The following NCALD variants were observed in gnomAD, a reference collection of about 807,000 sequenced individuals.
The protein encoded by NCALD is neurocalcin delta.
A neutral mutation model predicts 18.6 loss-of-function variants in NCALD; 10 were observed. That is an observed-to-expected ratio of 0.54 (90% CI 0.33 to 0.91). The LOEUF is 0.91. NCALD is among the 40% of genes least tolerant of loss of function. The pLI, the probability that NCALD is intolerant of heterozygous loss-of-function variation, is 0.03. For synonymous variants in NCALD, 88 were observed against 87.4 expected (o/e 1.01, Z -0.04); for missense variants, 184 against 247.6 (o/e 0.74, Z 1.72).
chr8:101,793,162 A>G (rs1278284389), upstream of NCALD, among the ~76,000 whole-genome samples: 2 of 152,076 alleles, frequency 1.3e-5, no homozygotes, highest in Non-Finnish European at 2.9e-5. Context: ...CATCCTGGCT[A>G]ACACGGTGAA....
At chr8:101,970,064 G>A (rs939189329) in intron 2 of NCALD, among the ~76,000 whole-genome samples, 2 of 152,096 alleles carry the variant, frequency 1.3e-5, no homozygotes, top group African/African-American at 2.4e-5. Flanking sequence ...AGAAAGATGA[G>A]GAAAAGCCGC....
chr8:101,843,281 T>C (rs947076620), intron 4 of NCALD, among the ~76,000 whole-genome samples: 35 of 152,214 alleles, frequency 2.3e-4, no homozygotes, highest in Non-Finnish European at 4.4e-5. Context: ...CAAAAAGATA[T>C]CATGAGGATT....
intron 1 of NCALD, among the ~76,000 whole-genome samples, chr8:101,745,382 C>A (rs997468413): frequency 6.6e-6 from 1 of 152,118 alleles, no homozygotes; most frequent in Non-Finnish European, 1.5e-5. Flanking sequence ...GGGAGAAAAT[C>A]TGTCCACAGA....
upstream of NCALD, among the ~76,000 whole-genome samples, chr8:101,791,716 T>C (rs1011443113): frequency 1.3e-5 from 2 of 152,140 alleles, no homozygotes; most frequent in Non-Finnish European, 2.9e-5. Flanking sequence ...TACTTTAAAA[T>C]AACCATGTGA....
intron 2 of NCALD, among the ~76,000 whole-genome samples, chr8:101,977,604 C>T (rs1012132941): frequency 6.6e-6 from 1 of 152,190 alleles, no homozygotes; most frequent in Non-Finnish European, 1.5e-5. Context: ...AAGCAGACAT[C>T]CCATTAAAGG....
chr8:102,116,827 C>T (rs1051406850), intron 1 of NCALD, among the ~76,000 whole-genome samples: 6 of 152,056 alleles, frequency 3.9e-5, no homozygotes, highest in African/African-American at 7.2e-5. Flanking sequence ...CTTTAACCCC[C>T]GGAACCAGTG....
At chr8:101,928,819 A>G (rs1273531333) in intron 2 of NCALD, among the ~76,000 whole-genome samples, 1 of 152,176 alleles carries the variant, frequency 6.6e-6, no homozygotes, top group African/African-American at 2.4e-5. Flanking sequence ...TGCATTTATT[A>G]GCATTTGTAG....
Position 101,719,708 on chromosome 8 carries a change from A to G in NCALD, c.-19-60T>C, listed in dbSNP as rs554802918. ...GAGCTGCTCTTTAGGGCTGCATTTTATAATTTGTAATTGTTCCTTTGGGAA... is the reference window on the plus strand; with the variant it reads ...GAGCTGCTCTTTAGGGCTGCATTTTGTAATTTGTAATTGTTCCTTTGGGAA... On this transcript the variant is annotated intron_variant, in intron 1 of 3. Coordinates refer to ENST00000220931, the MANE Select transcript of NCALD (RefSeq NM_032041.3). The G allele has an allele frequency of 1.7e-5, 24 of 1,411,870 alleles. No homozygotes were observed. The Admixed American group carries it at 1.9e-4, about 11-fold the overall frequency. The allele number at this position is 1,411,870 out of a possible 1,614,324, so 87.5% of individuals were successfully genotyped here.
At chr8:101,796,804 T>C (rs1415817996) in intron 4 of NCALD, among the ~76,000 whole-genome samples, 1 of 152,164 alleles carries the variant, frequency 6.6e-6, no homozygotes, top group African/African-American at 2.4e-5. Context: ...AAGGAAAATA[T>C]CTTGGGCCCC....
At chr8:101,892,881 A>T (rs373879709) in intron 3 of NCALD, among the ~76,000 whole-genome samples, 1 of 149,724 alleles carries the variant, frequency 6.7e-6, no homozygotes, top group African/African-American at 2.5e-5. Context: ...CCAAATCTAC[A>T]TCTGATTGGT....
intron 1 of NCALD, among the ~76,000 whole-genome samples, chr8:101,772,347 C>T (rs563105285): frequency 6.4e-4 from 97 of 152,294 alleles, no homozygotes; most frequent in African/African-American, 1.9e-3. Context: ...GTGGGAAATG[C>T]CGACAGGCCC....
intron 2 of NCALD, among the ~76,000 whole-genome samples, chr8:101,707,134 T>A (rs1267592899): frequency 6.6e-6 from 1 of 152,082 alleles, no homozygotes; most frequent in Middle Eastern, 3.2e-3. Flanking sequence ...CTCCTTTTTT[T>A]CCCCCAGAAT....
chr8:102,084,187 A>C (rs1179049336), intron 1 of NCALD, among the ~76,000 whole-genome samples: 1 of 152,200 alleles, frequency 6.6e-6, no homozygotes, highest in Non-Finnish European at 1.5e-5. Context: ...GTATCCTGAA[A>C]ACAAAACCCT....
intron 4 of NCALD, among the ~76,000 whole-genome samples, chr8:101,847,663 T>C (rs981834952): frequency 1.3e-5 from 2 of 152,214 alleles, no homozygotes; most frequent in Non-Finnish European, 2.9e-5. Flanking sequence ...CAGTGCTAGA[T>C]GTGAAAATGG....
intron 1 of NCALD, among the ~76,000 whole-genome samples, chr8:102,039,570 G>A (rs568280419): frequency 4.1e-4 from 63 of 152,062 alleles, no homozygotes; most frequent in Non-Finnish European, 2.4e-4. Context: ...TAAGATTCTG[G>A]AGCCAGACTG....
intron 2 of NCALD, among the ~76,000 whole-genome samples, chr8:101,989,138 C>T (rs1319221729): frequency 6.6e-6 from 1 of 152,116 alleles, no homozygotes; most frequent in African/African-American, 2.4e-5. Context: ...GGGAACCTGG[C>T]TTTTGTGTGG....
At chr8:101,915,136 A>G (rs1316577039) in intron 3 of NCALD, among the ~76,000 whole-genome samples, 2 of 152,206 alleles carry the variant, frequency 1.3e-5, no homozygotes, top group African/African-American at 4.8e-5. Flanking sequence ...TTTATGGACA[A>G]AAAAAACAAG....
Position 101,990,431 on chromosome 8 carries a change from T to C in NCALD, c.-157+29806A>G, listed in dbSNP as rs909969064. Among the ~76,000 whole-genome samples the C allele has an allele frequency of 7.9e-5, 12 of 152,176 alleles. 1 individual carries two copies. Among genetic ancestry groups the C allele is most frequent in the Admixed American group, 7.2e-4 (11 of 15,284 alleles). On this transcript the variant is annotated intron_variant, in intron 2 of 6. Transcript: ENST00000311028. The stretch of plus-strand genomic sequence containing the variant: ...TGTATTCATGTTTCTAAGCCACTGA[T>C]ATGGTTTGGCCAGTGTCCCCACCCA...
intron 1 of NCALD, among the ~76,000 whole-genome samples, chr8:101,763,763 T>C (rs764312691): frequency 2.6e-5 from 4 of 152,000 alleles, no homozygotes; most frequent in Admixed American, 1.3e-4. Flanking sequence ...CTTCAAACCA[T>C]GACATTGGCT....
Sources: gnomAD v4.1 joint callset for allele counts (sites outside exome capture counted in the v4.1 genomes callset) on GRCh38, gnomAD v4.1.1 for gene constraint, MANE v1.5 for transcripts, NCBI Gene and HGNC (gene_info 2026-07-23, HGNC 2026-07-21) for gene names.